Variants in TAFA1 observed in about 807,000 individuals in gnomAD.
TAFA1 encodes TAFA chemokine like family member 1.
A neutral mutation model predicts 18.5 loss-of-function variants in TAFA1; 4 were observed. The ratio of observed to expected loss-of-function variants is 0.22; its 90% CI spans 0.11 to 0.49. The LOEUF (loss-of-function observed/expected upper bound fraction) is 0.49, where lower values mean the gene tolerates loss of function less well. Ranked by LOEUF, TAFA1 falls within the 20% of genes least tolerant of loss-of-function variation. The pLI, the probability that TAFA1 is intolerant of heterozygous loss-of-function variation, is 0.98. For missense variants in TAFA1, 147 were observed against 169.0 expected (o/e 0.87, Z 0.72); for synonymous variants, 56 against 55.2 (o/e 1.01, Z -0.06).
At chr3:68,409,274 T>C (rs2070668727) in intron 2 of TAFA1, among the ~76,000 whole-genome samples, 1 of 152,196 alleles carries the variant, frequency 6.6e-6, no homozygotes, top group Non-Finnish European at 1.5e-5. Flanking sequence ...TGTTTGGCTA[T>C]GCTTGTTCTT....
At chr3:68,490,534 A>G (rs2072431453) in intron 3 of TAFA1, among the ~76,000 whole-genome samples, 1 of 152,168 alleles carries the variant, frequency 6.6e-6, no homozygotes, top group Non-Finnish European at 1.5e-5. Flanking sequence ...AAGCAAGACA[A>G]CATATCATAA....
intron 2 of TAFA1, among the ~76,000 whole-genome samples, chr3:68,148,800 G>T (rs1176575309): frequency 1.3e-5 from 2 of 152,122 alleles, no homozygotes; most frequent in African/African-American, 4.8e-5. Context: ...TTTATACAGG[G>T]ATTTTTTATC....
At chr3:68,276,605 T>A (rs1300379667) in intron 2 of TAFA1, among the ~76,000 whole-genome samples, 2 of 152,200 alleles carry the variant, frequency 1.3e-5, no homozygotes, top group African/African-American at 4.8e-5. Context: ...ACAAAGTTGC[T>A]TAATATTTTA....
chr3:68,233,271 A>C (rs2066892801), intron 2 of TAFA1, among the ~76,000 whole-genome samples: 1 of 152,096 alleles, frequency 6.6e-6, no homozygotes, highest in Non-Finnish European at 1.5e-5. Context: ...TTTGATAAAT[A>C]GTTTGCAAAT....
At chr3:68,439,610 G>A (rs1412674129) in intron 3 of TAFA1, among the ~76,000 whole-genome samples, 3 of 151,400 alleles carry the variant, frequency 2.0e-5, no homozygotes, top group South Asian at 4.2e-4. Flanking sequence ...AGGCTGGAAG[G>A]CTAAACCAGT....
At chr3:68,317,197 T>C (rs569326297) in intron 2 of TAFA1, among the ~76,000 whole-genome samples, 1 of 152,292 alleles carries the variant, frequency 6.6e-6, no homozygotes, top group African/African-American at 2.4e-5. Flanking sequence ...TAATGATGGA[T>C]ATTATGTGTT....
At chr3:68,098,407 A>G (rs2065112136) in intron 2 of TAFA1, among the ~76,000 whole-genome samples, 1 of 152,134 alleles carries the variant, frequency 6.6e-6, no homozygotes, top group South Asian at 2.1e-4. Flanking sequence ...ATACCATAAA[A>G]TGGAAAGAAT....
intron 3 of TAFA1, among the ~76,000 whole-genome samples, chr3:68,429,364 G>A (rs999547897): frequency 1.3e-5 from 2 of 151,836 alleles, no homozygotes; most frequent in Non-Finnish European, 2.9e-5. Context: ...TATAAGATAG[G>A]TACTATTATT....
intron 2 of TAFA1, among the ~76,000 whole-genome samples, chr3:68,378,021 G>C (rs1341159163): frequency 6.6e-6 from 1 of 152,232 alleles, no homozygotes; most frequent in Non-Finnish European, 1.5e-5. Context: ...CCAGGCAGAA[G>C]TCTGCTTCAA....
chr3:68,085,373 T>C (rs761435395), intron 2 of TAFA1, among the ~76,000 whole-genome samples: 7 of 152,220 alleles, frequency 4.6e-5, no homozygotes, highest in African/African-American at 7.2e-5. Context: ...ATTTCCTAAC[T>C]TATTTGATTA....
chr3:68,471,331 G>A (rs151136052), intron 3 of TAFA1, among the ~76,000 whole-genome samples: 647 of 152,294 alleles, frequency 4.2e-3, no homozygotes, highest in Middle Eastern at 6.8e-3. Flanking sequence ...TGCCTAGTGG[G>A]GCTGTGAGAA....
intron 2 of TAFA1, among the ~76,000 whole-genome samples, chr3:68,303,947 A>G (rs1005452777): frequency 6.6e-6 from 1 of 152,212 alleles, no homozygotes; most frequent in Admixed American, 6.5e-5. Context: ...AATTTCAAAT[A>G]TTAGTACTGC....
chr3:68,220,849 C>T (rs1348323537), intron 2 of TAFA1, among the ~76,000 whole-genome samples: 1 of 151,868 alleles, frequency 6.6e-6, no homozygotes, highest in Non-Finnish European at 1.5e-5. Flanking sequence ...TCTCTTTCAG[C>T]ATCCCTCGGT....
intron 2 of TAFA1, among the ~76,000 whole-genome samples, chr3:68,188,147 TGAATA>T: frequency 1.3e-5 from 2 of 152,060 alleles, no homozygotes; most frequent in South Asian, 2.1e-4. Context: ...GCTTTTGAAA[TGAATA>T]GAAGTTTTAA....
chr3:68,388,155 G>A (rs757061188), intron 2 of TAFA1, among the ~76,000 whole-genome samples: 8 of 152,052 alleles, frequency 5.3e-5, no homozygotes, highest in Non-Finnish European at 7.4e-5. Flanking sequence ...CAGAGAAATC[G>A]TGGCGGCTGG....
rs560908136 is a variant in TAFA1 at position 68,508,318 on chromosome 3, G to A, written c.260-30438G>A. ...GGGCTTTCACATGTGAATTTCAAGG[G>A]GACATAAACATGCAGTCCATAACTA... On this transcript the variant is annotated intron_variant, in intron 3 of 4. Coordinates refer to ENST00000478136, the MANE Select transcript of TAFA1 (RefSeq NM_213609.4). Among the ~76,000 whole-genome samples, 11 of 151,890 alleles carry A rather than the reference G, an allele frequency of 7.2e-5. No homozygotes were observed. The South Asian group carries it at 2.1e-3, about 29-fold the overall frequency.
intron 2 of TAFA1, among the ~76,000 whole-genome samples, chr3:68,361,148 GA>G (rs879485339): frequency 2.0e-5 from 3 of 150,764 alleles, no homozygotes; most frequent in Non-Finnish European, 4.4e-5. Context: ...TGTTGAGCAA[GA>G]AAAAAAACAG....
intron 2 of TAFA1, among the ~76,000 whole-genome samples, chr3:68,207,628 C>G (rs143625480): frequency 1.6e-4 from 25 of 151,988 alleles, no homozygotes; most frequent in African/African-American, 5.8e-4. Context: ...TAAGAACTAC[C>G]AAATGAGCAT....
At chr3:68,319,298 T>C (rs1213946356) in intron 2 of TAFA1, among the ~76,000 whole-genome samples, 8 of 152,224 alleles carry the variant, frequency 5.3e-5, no homozygotes, top group Admixed American at 4.6e-4. Flanking sequence ...TACAAATCTC[T>C]AGAACAGCGA....
Sources: allele counts gnomAD v4.1 joint callset (sites outside exome capture counted in the v4.1 genomes callset), GRCh38; gene constraint gnomAD v4.1.1; transcripts MANE v1.5; gene names NCBI Gene and HGNC (gene_info 2026-07-23, HGNC 2026-07-21).